C1QTNF7: variants seen among roughly 807,000 people sequenced by gnomAD.
C1QTNF7 encodes C1q and TNF related 7.
In C1QTNF7, 15 loss-of-function variants were observed where a neutral mutation model predicts 19.6. The observed-to-expected ratio is 0.76, with a 90% CI of 0.51 to 1.18. The LOEUF is 1.18. C1QTNF7 is among the 50% of genes most tolerant of loss of function. The pLI is 0.00. For missense variants in C1QTNF7, 324 were observed against 359.7 expected, an observed-to-expected ratio of 0.90 and a Z score of 0.80; for synonymous variants, 142 against 137.5, an observed-to-expected ratio of 1.03 and a Z score of -0.23.
chr4:15,427,001 A>G (rs1163434021), upstream of C1QTNF7, among the ~76,000 whole-genome samples: 1 of 152,242 alleles, frequency 6.6e-6, no homozygotes, highest in African/African-American at 2.4e-5. Context: ...ACTAGCTTCT[A>G]TGCTCAAGAC....
intron 1 of C1QTNF7, among the ~76,000 whole-genome samples, chr4:15,364,711 T>C (rs1355264952): frequency 1.3e-5 from 2 of 152,296 alleles, no homozygotes; most frequent in East Asian, 3.9e-4. Context: ...TTTTAAAACA[T>C]GTATGGAACA....
In C1QTNF7 at chr4:15,375,515, A is replaced by G. The variant is rs555432899; in HGVS notation, c.13+35308A>G. ...CATTGTACTGGGGTACATTTCTTTTATAAGTATTTCAAATCAAATTGTGGG... is the reference window on the plus strand; with the variant it reads ...CATTGTACTGGGGTACATTTCTTTTGTAAGTATTTCAAATCAAATTGTGGG... On this transcript the variant is annotated intron_variant, in intron 1 of 2. Coordinates refer to the C1QTNF7 transcript ENST00000295297. Among the ~76,000 whole-genome samples, 6 of 152,336 alleles carry G rather than the reference A, an allele frequency of 3.9e-5. No homozygotes were observed. In the South Asian group the frequency reaches 6.2e-4, roughly 16 times the overall value.
chr4:15,407,823 G>C (rs1284044822), intron 1 of C1QTNF7, among the ~76,000 whole-genome samples: 1 of 152,140 alleles, frequency 6.6e-6, no homozygotes, highest in East Asian at 1.9e-4. Flanking sequence ...CTATTCAGGA[G>C]GCTAAGGCAA....
At chr4:15,401,177 G>A (rs767543505) in intron 1 of C1QTNF7, among the ~76,000 whole-genome samples, 9 of 152,118 alleles carry the variant, frequency 5.9e-5, no homozygotes, top group Non-Finnish European at 8.8e-5. Context: ...TAAATGAGGA[G>A]GAACTGGGAA....
chr4:15,443,273 GT>G lies in C1QTNF7; in HGVS notation c.*480del, dbSNP rs1214669077. Reference sequence around the variant, plus strand: ...AGCAAGCTACAGAGAAATGATAAATGTTTTTTGTTTTATTATTTATTCCTTC... The same window carrying G: ...AGCAAGCTACAGAGAAATGATAAATGTTTTTGTTTTATTATTTATTCCTTC... On this transcript the variant is annotated 3_prime_UTR_variant, in exon 3 of 3. Coordinates refer to ENST00000444304, the MANE Select transcript of C1QTNF7 (RefSeq NM_031911.5). The G allele has an allele frequency of 6.5e-6, 1 of 153,292 alleles. No homozygotes were observed. The highest frequency in any genetic ancestry group is 1.5e-5 in the Non-Finnish European group (1 of 68,926). The allele number at this position is 153,292 out of a possible 1,614,324, so 9.5% of individuals were successfully genotyped here.
At chr4:15,381,620 G>A (rs1418638993) in intron 1 of C1QTNF7, 1 of 151,952 alleles carries the variant, frequency 6.6e-6, no homozygotes, top group Non-Finnish European at 1.5e-5. Flanking sequence ...TTTAAAATAA[G>A]AGCAATAGTA....
intron 1 of C1QTNF7, among the ~76,000 whole-genome samples, chr4:15,342,999 C>G (rs936474901): frequency 6.6e-6 from 1 of 152,112 alleles, no homozygotes; most frequent in Non-Finnish European, 1.5e-5. Flanking sequence ...TATGGGCATT[C>G]TGAGGATTAA....
At position 15,442,516 on chromosome 4, in the gene C1QTNF7, C is replaced by A; in HGVS notation, c.587C>A (p.Ser196Tyr). ...GCTTTCCCAGGGATCTATTACTTTT[C>A]TTATGATATCACATTGGCTAATAAG... is the stretch of plus-strand genomic sequence containing the variant. ...ICAFPGIYYF[S>Y]YDITLANKHL... The change falls in exon 3 of 3, where the codon TCT becomes TAT. Residue 196 changes from serine to tyrosine, a missense_variant. Physicochemically the swap from Ser to Tyr is moderately radical, Grantham distance 144. Transcript: ENST00000444304. The A allele has an allele frequency of 6.2e-7, 1 of 1,614,208 alleles. No individual in the cohort carries two copies. The highest frequency in any genetic ancestry group is 8.5e-7 in the Non-Finnish European group (1 of 1,180,030).
At chr4:15,341,650 TAGAACATTA>T (rs1716541154) in intron 1 of C1QTNF7, among the ~76,000 whole-genome samples, 1 of 152,280 alleles carries the variant, frequency 6.6e-6, no homozygotes, top group East Asian at 1.9e-4. Context: ...CACCAGCCTA[TAGAACATTA>T]AGAAAGGGAG....
intron 1 of C1QTNF7, among the ~76,000 whole-genome samples, chr4:15,349,100 C>A (rs901312543): frequency 5.9e-5 from 9 of 152,218 alleles, no homozygotes; most frequent in Non-Finnish European, 1.0e-4. Flanking sequence ...TCCTTGCCAA[C>A]AGAGCCAGTC....
intron 1 of C1QTNF7, among the ~76,000 whole-genome samples, chr4:15,388,093 G>A (rs1212294422): frequency 3.3e-5 from 5 of 152,190 alleles, no homozygotes; most frequent in African/African-American, 1.2e-4. Context: ...GCAGTGGTGG[G>A]AGATTGTATA....
chr4:15,386,166 G>A (rs1718329299), intron 1 of C1QTNF7, among the ~76,000 whole-genome samples: 1 of 152,258 alleles, frequency 6.6e-6, no homozygotes, highest in African/African-American at 2.4e-5. Context: ...CAGGGTTCTG[G>A]GCTCCTACTC....
chr4:15,418,518 C>T (rs1711548302), intron 1 of C1QTNF7, among the ~76,000 whole-genome samples: 1 of 152,160 alleles, frequency 6.6e-6, no homozygotes, highest in African/African-American at 2.4e-5. Context: ...AGGCTTTTAT[C>T]CCATCTTCAC....
At position 15,361,580 on chromosome 4, in the gene C1QTNF7, A is replaced by G. The variant is rs78914471; in HGVS notation, c.13+21373A>G. Reference sequence around the variant, plus strand: ...TCCAGAAAGGTGTTTTTGCCTCTTGAGAGGAATGACACAGTGTATTCAGAG... The same window carrying G: ...TCCAGAAAGGTGTTTTTGCCTCTTGGGAGGAATGACACAGTGTATTCAGAG... On this transcript the variant is annotated intron_variant, in intron 1 of 2. Coordinates refer to the C1QTNF7 transcript ENST00000295297. 6.5e-3 allele frequency among the ~76,000 whole-genome samples: 996 copies of G among 152,252 alleles called. 9 individuals carry two copies. Among genetic ancestry groups the G allele is most frequent in the African/African-American group, 0.023 (951 of 41,548 alleles).
chr4:15,422,733 T>C (rs992877166), intron 1 of C1QTNF7, among the ~76,000 whole-genome samples: 4 of 152,096 alleles, frequency 2.6e-5, no homozygotes, highest in Middle Eastern at 3.2e-3. Flanking sequence ...GCCTTCTGAG[T>C]AGATGTGCCT....
intron 1 of C1QTNF7, among the ~76,000 whole-genome samples, chr4:15,348,375 T>C (rs1314620928): frequency 3.3e-5 from 5 of 152,194 alleles, no homozygotes; most frequent in Non-Finnish European, 4.4e-5. Context: ...ATTCAAGGCC[T>C]GGGATGTTCG....
chr4:15,345,907 A>G (rs1355002850), intron 1 of C1QTNF7, among the ~76,000 whole-genome samples: 3 of 152,154 alleles, frequency 2.0e-5, no homozygotes, highest in South Asian at 2.1e-4. Flanking sequence ...AACGTCCCAT[A>G]TATACTAAGA....
At chr4:15,392,026 A>G (rs1718579673) in intron 1 of C1QTNF7, among the ~76,000 whole-genome samples, 1 of 152,194 alleles carries the variant, frequency 6.6e-6, no homozygotes, top group Admixed American at 6.5e-5. Context: ...ATTTAGTTTC[A>G]GCAATAGTTA....
In C1QTNF7 at chr4:15,442,649, G is replaced by A; in HGVS notation, c.720G>A (p.Gln240=). ...VASGSTVIYL[Q]PEDEVWLEIF... ...CGGGGTCCACAGTCATCTATCTGCA[G>A]CCAGAAGATGAAGTCTGGCTGGAGA... Residue 240 remains glutamine, a synonymous_variant, in exon 3 of 3, where the codon CAG becomes CAA. Transcript: ENST00000444304. 6.2e-7 allele frequency: 1 copy of A among 1,614,208 alleles called. No homozygotes were observed. Among genetic ancestry groups the A allele is most frequent in the Non-Finnish European group, 8.5e-7 (1 of 1,180,038 alleles).
Sources: allele counts gnomAD v4.1 joint callset (sites outside exome capture counted in the v4.1 genomes callset), GRCh38; gene constraint gnomAD v4.1.1; transcripts MANE v1.5; gene names NCBI Gene and HGNC (gene_info 2026-07-23, HGNC 2026-07-21).